PLEC: variants seen among roughly 807,000 people sequenced by gnomAD.
PLEC encodes plectin.
Under a neutral mutation model 392.8 loss-of-function variants are expected in PLEC, and 216 were observed. The ratio of observed to expected loss-of-function variants is 0.55; its 90% confidence interval spans 0.49 to 0.62. The LOEUF is 0.62. PLEC is among the 20% of genes least tolerant of loss of function. The pLI, the probability that PLEC is intolerant of heterozygous loss-of-function variation, is 0.00. For missense variants in PLEC, 6,863 were observed against 6,563.4 expected, an observed-to-expected ratio of 1.05 and a Z score of -1.58; for synonymous variants, 3,621 against 2,980.6, an observed-to-expected ratio of 1.21 and a Z score of -7.00.
chr8:143,929,920 T>G lies in PLEC; in HGVS notation c.2739+16A>C. ...TCCTCCCACCCAGAGAGCCCCCGGC[T>G]CGGGGGCAGGCGTACCGTGGCCAGG... On this transcript the variant is annotated intron_variant, in intron 22 of 31. Coordinates refer to ENST00000345136, the MANE Select transcript of PLEC (RefSeq NM_201384.3). 1 of 1,607,668 alleles carries G rather than the reference T, an allele frequency of 6.2e-7. No individual in the cohort carries two copies. The highest frequency in any genetic ancestry group is 8.5e-7 in the Non-Finnish European group (1 of 1,179,246).
chr8:143,956,255 T>C (rs1832589139), upstream of PLEC, among the ~76,000 whole-genome samples: 1 of 152,104 alleles, frequency 6.6e-6, no homozygotes, highest in African/African-American at 2.4e-5. Context: ...GCCAGGGAGA[T>C]TTTTTTAAAG....
chr8:143,973,819 C>CG (rs1833561640), upstream of PLEC, among the ~76,000 whole-genome samples: 1 of 151,906 alleles, frequency 6.6e-6, no homozygotes, highest in African/African-American at 2.4e-5. The surrounding 1 kb of genome is among the most constrained non-coding windows in gnomAD (Gnocchi z 5.6). Context: ...CCCGCCGGGC[C>CG]GGCGACCTGC....
chr8:143,932,085 G>C, intron 17 of PLEC, 45 bp downstream of exon 17: 1 of 1,568,640 alleles, frequency 6.4e-7, no homozygotes, highest in Non-Finnish European at 8.6e-7. Flanking sequence ...CTGGGGACCC[G>C]GCACGGCCCC....
intron 1 of PLEC, among the ~76,000 whole-genome samples, chr8:143,939,117 G>C (rs1281896241): frequency 1.3e-5 from 2 of 152,218 alleles, no homozygotes; most frequent in Admixed American, 6.5e-5. Context: ...ACCTTCCCCA[G>C]AGCGCAGAGT....
At chr8:143,959,105 G>T (rs987965901) in intron 1 of PLEC, among the ~76,000 whole-genome samples, 21 of 152,352 alleles carry the variant, frequency 1.4e-4, no homozygotes, top group African/African-American at 4.6e-4. Flanking sequence ...TGTGAGGCGA[G>T]GCTGCTGAGG....
At chr8:143,931,128 TAGCACAAGGGCTGGCGGTGCCCCTTCTAC>T (rs1458480977) in intron 19 of PLEC, among the ~76,000 whole-genome samples, 7 of 152,122 alleles carry the variant, frequency 4.6e-5, no homozygotes, top group Non-Finnish European at 1.0e-4. Context: ...GCTCCTTCTA[TAGCACAAGGGCTGGCGGTGCCCCTTCTAC>T]AGCACAAGGG....
At chr8:143,935,807 G>T in intron 6 of PLEC, 41 bp downstream of exon 6, 3 of 1,600,962 alleles carry the variant, frequency 1.9e-6, no homozygotes, top group South Asian at 1.1e-5. Context: ...CGCTGTGGGG[G>T]TGCCCCCAGC....
At chr8:143,945,291 G>T (rs1181326275) in intron 1 of PLEC, 2 of 453,086 alleles carry the variant, frequency 4.4e-6, no homozygotes, top group Admixed American at 2.8e-5. Context: ...GGGGTCCCAG[G>T]GATCTGGGAT....
chr8:143,953,593 G>T, upstream of PLEC: 1 of 993,896 alleles, frequency 1.0e-6, no homozygotes, highest in Non-Finnish European at 1.6e-6. Flanking sequence ...GTCTCCTGCG[G>T]CTCTGGCTCA....
At chr8:143,962,876 C>T (rs1832931185) in intron 1 of PLEC, among the ~76,000 whole-genome samples, 1 of 152,066 alleles carries the variant, frequency 6.6e-6, no homozygotes, top group Non-Finnish European at 1.5e-5. Flanking sequence ...AACTATTAAG[C>T]AAAAAGGAAA....
At chr8:143,953,954 C>G (rs1015306302), upstream of PLEC, 2 of 1,358,510 alleles carry the variant, frequency 1.5e-6, no homozygotes, top group Non-Finnish European at 1.9e-6. Context: ...CGCATGCTCC[C>G]GGCCGCACCG....
Position 143,916,459 on chromosome 8 carries a change from C to G in PLEC, c.13362G>C (p.Met4454Ile), listed in dbSNP as rs1586746968. 6.2e-7 allele frequency: 1 copy of G among 1,611,948 alleles called. No homozygotes were observed. The highest frequency in any genetic ancestry group is 8.5e-7 in the Non-Finnish European group (1 of 1,179,528). ...ISYKDALDRSMVEEGTGLRLL... is the reference protein window; with the variant it reads ...ISYKDALDRSIVEEGTGLRLL... ...GCCGCAGCCCCGTGCCCTCCTCCAC[C>G]ATGCTGCGGTCCAGCGCGTCCTTAT... Residue 4454 changes from methionine (M) to isoleucine (I), a missense_variant, in exon 32 of 32, where the codon ATG becomes ATC. Transcript: ENST00000345136.
At chr8:143,926,702 A>T (rs1554705704) in intron 30 of PLEC, 82 bp downstream of exon 30, 2 of 1,176,008 alleles carry the variant, frequency 1.7e-6, no homozygotes, top group Non-Finnish European at 2.6e-6. Context: ...AGGTGGCCTC[A>T]GGCAGCTCCT....
upstream of PLEC, among the ~76,000 whole-genome samples, chr8:143,973,901 T>C (rs373892574): frequency 1.3e-5 from 2 of 151,612 alleles, no homozygotes; most frequent in African/African-American, 4.9e-5. The surrounding 1 kb of genome is among the most constrained non-coding windows in gnomAD (Gnocchi z 5.6). Context: ...CATTGCAACA[T>C]TGGAGACGAC....
At chr8:143,944,526 G>T, upstream of PLEC, 1 of 529,254 alleles carries the variant, frequency 1.9e-6, no homozygotes, top group Non-Finnish European at 3.2e-6. Flanking sequence ...GGGCACATGA[G>T]GCAGGCTGTG....
chr8:143,937,324 A>C, intron 3 of PLEC, 82 bp from the exon 4 acceptor site: 1 of 1,046,670 alleles, frequency 9.6e-7, no homozygotes, highest in Non-Finnish European at 1.5e-6. Context: ...GCGCCGCAGC[A>C]ACCGAGCCAA....
At chr8:143,966,662 A>G (rs1338493336) in intron 1 of PLEC, among the ~76,000 whole-genome samples, 2 of 151,990 alleles carry the variant, frequency 1.3e-5, no homozygotes, top group African/African-American at 4.8e-5. Flanking sequence ...GGGGGGTACA[A>G]AAGTGAAGCA....
Position 143,969,558 on chromosome 8 carries a change from T to C in PLEC, c.70+3845A>G, listed in dbSNP as rs1300872272. 2.0e-5 allele frequency among the ~76,000 whole-genome samples: 3 copies of C among 151,324 alleles called. No individual in the cohort carries two copies. The highest frequency in any genetic ancestry group is 4.4e-5 in the Non-Finnish European group (3 of 67,840). ...TGGGAGCCTGGAGAGAGACCTGGGG[T>C]GGGTGTGGCAGGGCGGGGACAGTTC... On this transcript the variant is annotated intron_variant, in intron 1 of 31. Coordinates refer to the PLEC transcript ENST00000356346. The surrounding 1 kb of genome is among the most constrained non-coding windows in gnomAD (Gnocchi z 5.1).
rs545266312 is a variant in PLEC at position 143,925,201 on chromosome 8, C to T, written c.4728G>A (p.Ala1576=). 4.9e-5 allele frequency: 77 copies of T among 1,586,444 alleles called. No homozygotes were observed. The highest frequency in any genetic ancestry group is 4.7e-4 in the Admixed American group (28 of 59,180). Residue 1576 remains alanine (A), a synonymous_variant, in exon 31 of 32, where the codon GCG becomes GCA. Transcript: ENST00000345136. The part of the protein sequence containing the change: ...ALETAQRSAE[A]ELQSKRASFA... The stretch of plus-strand genomic sequence containing the variant: ...AGGAGGCGCGTTTGCTCTGCAGCTC[C>T]GCCTCTGCACTGCGCTGCGCCGTCT...
Sources: gnomAD v4.1 joint callset for allele counts (sites outside exome capture counted in the v4.1 genomes callset) on GRCh38, gnomAD v4.1.1 for gene constraint, Gnocchi (gnomAD v3.1) non-coding constraint, MANE v1.5 for transcripts, NCBI Gene and HGNC (gene_info 2026-07-23, HGNC 2026-07-21) for gene names.